Variants in WFDC9 observed in about 807,000 individuals in gnomAD.
WFDC9 encodes the protein protein WFDC9.
WFDC9 carries 9 observed loss-of-function variants against 9.5 expected under a neutral mutation model. The observed-to-expected ratio is 0.95, with a 90% confidence interval of 0.57 to 1.65. WFDC9 has a LOEUF of 1.65. Among genes scored for constraint, WFDC9 ranks in the 40% most tolerant of loss-of-function variants. The pLI, the probability that WFDC9 is intolerant of heterozygous loss-of-function variation, is 0.00. For missense variants in WFDC9, 87 were observed against 106.7 expected (o/e 0.82, Z 0.81); for synonymous variants, 33 against 32.3 (o/e 1.02, Z -0.07).
At chr20:45,629,280 A>G (rs1480612023) in intron 1 of WFDC9, among the ~76,000 whole-genome samples, 1 of 152,232 alleles carries the variant, frequency 6.6e-6, no homozygotes, top group African/African-American at 2.4e-5. Context: ...AGTACAATAC[A>G]AATACTTGAT....
intron 1 of WFDC9, among the ~76,000 whole-genome samples, chr20:45,618,495 GT>G: frequency 6.6e-6 from 1 of 152,120 alleles, no homozygotes; most frequent in Non-Finnish European, 1.5e-5. Context: ...TATTTTTCTA[GT>G]TTTTTATTTA....
intron 1 of WFDC9, chr20:45,630,987 A>G (rs1303748514): frequency 1.9e-6 from 3 of 1,605,712 alleles, no homozygotes; most frequent in African/African-American, 1.3e-5. Context: ...TGTTCTACCT[A>G]CTGTGGGAAT....
intron 1 of WFDC9, among the ~76,000 whole-genome samples, chr20:45,623,197 CAGAT>C (rs2145600882): frequency 6.6e-6 from 1 of 152,234 alleles, no homozygotes; most frequent in South Asian, 2.1e-4. Context: ...AAATAGCAAA[CAGAT>C]GGAAGCTTCA....
chr20:45,614,477 C>T (rs1490469360), intron 2 of WFDC9, among the ~76,000 whole-genome samples, 151 bp downstream of exon 2: 1 of 152,184 alleles, frequency 6.6e-6, no homozygotes, highest in African/African-American at 2.4e-5. Context: ...GAACCTCAGA[C>T]AGCTCATGTC....
At chr20:45,610,960 A>G (rs1445232592) in intron 2 of WFDC9, among the ~76,000 whole-genome samples, 1 of 152,232 alleles carries the variant, frequency 6.6e-6, no homozygotes, top group Non-Finnish European at 1.5e-5. Context: ...ATGGGAACAC[A>G]GTAGACTTGA....
At chr20:45,625,994 G>T in intron 1 of WFDC9, among the ~76,000 whole-genome samples, 1 of 151,390 alleles carries the variant, frequency 6.6e-6, no homozygotes, top group East Asian at 1.9e-4. Context: ...TCTAATTTTT[G>T]TACTTTTAGT....
At chr20:45,614,014 T>C (rs371706506) in intron 2 of WFDC9, among the ~76,000 whole-genome samples, 10 of 152,174 alleles carry the variant, frequency 6.6e-5, no homozygotes, top group Non-Finnish European at 1.2e-4. Flanking sequence ...ATCCAAAGCA[T>C]TGGATTCCAT....
intron 2 of WFDC9, among the ~76,000 whole-genome samples, chr20:45,612,703 G>GA (rs1981887281): frequency 6.6e-6 from 1 of 151,576 alleles, no homozygotes; most frequent in South Asian, 2.1e-4. Context: ...TTAGAAATAG[G>GA]AAAAAAAGAT....
At chr20:45,626,560 G>A (rs541036722) in intron 1 of WFDC9, among the ~76,000 whole-genome samples, 1 of 152,184 alleles carries the variant, frequency 6.6e-6, no homozygotes, top group South Asian at 2.1e-4. Flanking sequence ...TTATAAATGG[G>A]ATTGCCCTCT....
intron 1 of WFDC9, among the ~76,000 whole-genome samples, chr20:45,624,198 C>CA (rs947162680): frequency 6.6e-6 from 1 of 151,958 alleles, no homozygotes; most frequent in Admixed American, 6.6e-5. Flanking sequence ...TCTCAAAAAA[C>CA]AAAAAAATCT....
chr20:45,628,184 T>C (rs896207118), intron 1 of WFDC9, among the ~76,000 whole-genome samples: 2 of 152,238 alleles, frequency 1.3e-5, no homozygotes, highest in Admixed American at 6.5e-5. Context: ...AAATACAATA[T>C]ACTTTTTATT....
chr20:45,629,008 A>G (rs900103537), intron 1 of WFDC9, among the ~76,000 whole-genome samples: 1 of 152,148 alleles, frequency 6.6e-6, no homozygotes, highest in African/African-American at 2.4e-5. Context: ...TTTGACTGAT[A>G]GGTCTCTCCC....
intron 1 of WFDC9, among the ~76,000 whole-genome samples, chr20:45,628,200 C>T (rs1452591127): frequency 1.3e-5 from 2 of 152,274 alleles, no homozygotes; most frequent in South Asian, 2.1e-4. Context: ...TTATTTCTTG[C>T]TCAAATAATA....
chr20:45,611,989 C>A (rs1338568165), intron 2 of WFDC9, among the ~76,000 whole-genome samples: 2 of 152,160 alleles, frequency 1.3e-5, no homozygotes, highest in Admixed American at 1.3e-4. Context: ...AGCCGTGGAG[C>A]CTGGGCCAGC....
At chr20:45,621,394 A>C (rs1431964004) in intron 1 of WFDC9, among the ~76,000 whole-genome samples, 1 of 152,202 alleles carries the variant, frequency 6.6e-6, no homozygotes, top group Non-Finnish European at 1.5e-5. Flanking sequence ...AAACTTTATG[A>C]ATTGACTTCT....
chr20:45,618,774 T>G lies in WFDC9; in HGVS notation c.-152-4053A>C, dbSNP rs756636648. ...CACCTTACAGATATAATGATAAGAA[T>G]AATAATAATAAAGTTTGAAACATTT... On this transcript the variant is annotated intron_variant, in intron 1 of 4. Transcript: ENST00000326000. Among the ~76,000 whole-genome samples the G allele has an allele frequency of 8.5e-5, 13 of 152,232 alleles. No homozygotes were observed. In the East Asian group the frequency reaches 1.2e-3, roughly 14 times the overall value.
chr20:45,608,881 A>G, intron 3 of WFDC9, 71 bp from the exon 4 acceptor site: 1 of 1,473,372 alleles, frequency 6.8e-7, no homozygotes, highest in South Asian at 1.4e-5. Context: ...AAGCTTAACA[A>G]TCCCTTCTGA....
At chr20:45,609,854 T>C (rs1302272007) in intron 3 of WFDC9, among the ~76,000 whole-genome samples, 3 of 152,206 alleles carry the variant, frequency 2.0e-5, no homozygotes, top group Non-Finnish European at 2.9e-5. Context: ...TATTATTTCC[T>C]GCTAGCTGAT....
At chr20:45,623,649 T>C (rs1439640319) in intron 1 of WFDC9, among the ~76,000 whole-genome samples, 1 of 151,882 alleles carries the variant, frequency 6.6e-6, no homozygotes, top group Non-Finnish European at 1.5e-5. Flanking sequence ...AGTTTTTAAA[T>C]TGACAAGTAG....
Sources: allele counts gnomAD v4.1 joint callset (sites outside exome capture counted in the v4.1 genomes callset), GRCh38; gene constraint gnomAD v4.1.1; transcripts MANE v1.5; gene names NCBI Gene and HGNC (gene_info 2026-07-23, HGNC 2026-07-21).